The following CHST11 variants were observed in gnomAD, a reference collection of about 807,000 sequenced individuals.
The protein encoded by CHST11 is C4S-1.
In CHST11, 9 loss-of-function variants were observed where a neutral mutation model predicts 30.4. The observed-to-expected ratio is 0.30, with a 90% confidence interval of 0.18 to 0.52. CHST11 has a LOEUF of 0.52. Ranked by LOEUF, CHST11 falls within the 20% of genes least tolerant of loss-of-function variation. CHST11 has a pLI of 0.97. For synonymous variants in CHST11, 152 were observed against 187.8 expected (o/e 0.81, Z 1.56); for missense variants, 348 against 460.6 (o/e 0.76, Z 2.24).
At chr12:104,547,668 A>G (rs1565982748) in intron 1 of CHST11, among the ~76,000 whole-genome samples, 1 of 151,992 alleles carries the variant, frequency 6.6e-6, no homozygotes, top group Non-Finnish European at 1.5e-5. Context: ...ACACCAGCAC[A>G]CTCTGGTGTC....
At chr12:104,693,691 G>A (rs1336609169) in intron 2 of CHST11, among the ~76,000 whole-genome samples, 3 of 152,188 alleles carry the variant, frequency 2.0e-5, no homozygotes, top group Non-Finnish European at 4.4e-5. Flanking sequence ...TGGTCTCTGG[G>A]GGTCAGGGAG....
At chr12:104,720,169 C>A (rs1222765741) in intron 2 of CHST11, among the ~76,000 whole-genome samples, 3 of 152,260 alleles carry the variant, frequency 2.0e-5, no homozygotes, top group African/African-American at 7.2e-5. Context: ...CACTGCCCTG[C>A]AGGCAGGACA....
intron 1 of CHST11, among the ~76,000 whole-genome samples, chr12:104,585,433 A>G (rs2136035393): frequency 6.6e-6 from 1 of 152,342 alleles, no homozygotes; most frequent in South Asian, 2.1e-4. Context: ...ACTCTCAAAT[A>G]ATTAGAAAGA....
chr12:104,740,845 T>C (rs2040340978), intron 2 of CHST11, among the ~76,000 whole-genome samples: 1 of 152,234 alleles, frequency 6.6e-6, no homozygotes, highest in Non-Finnish European at 1.5e-5. Flanking sequence ...GATGTCTGAC[T>C]TCCTCAGTGA....
At chr12:104,567,872 T>C (rs957819408) in intron 1 of CHST11, among the ~76,000 whole-genome samples, 1 of 152,220 alleles carries the variant, frequency 6.6e-6, no homozygotes, top group Admixed American at 6.5e-5. Context: ...TTCACCCCTC[T>C]GCCATGTGAA....
intron 2 of CHST11, among the ~76,000 whole-genome samples, chr12:104,724,187 A>G (rs1566054673): frequency 6.6e-6 from 1 of 152,166 alleles, no homozygotes; most frequent in South Asian, 2.1e-4. Context: ...AAGTGGTGAG[A>G]AGGGCATTAT....
At chr12:104,561,758 A>G (rs2038515339) in intron 1 of CHST11, among the ~76,000 whole-genome samples, 2 of 151,170 alleles carry the variant, frequency 1.3e-5, no homozygotes, top group African/African-American at 4.9e-5. Flanking sequence ...TAATCCTCAC[A>G]ACGGTCTTAC....
intron 2 of CHST11, among the ~76,000 whole-genome samples, chr12:104,610,529 C>T (rs1456513199): frequency 6.6e-6 from 1 of 152,190 alleles, no homozygotes; most frequent in Non-Finnish European, 1.5e-5. Context: ...GCTGTACAAT[C>T]TGCCATTTTC....
chr12:104,628,370 A>C (rs560112406), intron 2 of CHST11, among the ~76,000 whole-genome samples: 1 of 152,210 alleles, frequency 6.6e-6, no homozygotes, highest in South Asian at 2.1e-4. Context: ...CATTTTTTAC[A>C]TTCAAGAGAA....
chr12:104,492,334 G>A (rs1340948693), intron 1 of CHST11, among the ~76,000 whole-genome samples: 1 of 152,124 alleles, frequency 6.6e-6, no homozygotes, highest in Non-Finnish European at 1.5e-5. Context: ...CTGACCTTGT[G>A]ATCTGCCTGC....
At chr12:104,477,759 A>G (rs1346369796) in intron 1 of CHST11, among the ~76,000 whole-genome samples, 1 of 152,182 alleles carries the variant, frequency 6.6e-6, no homozygotes, top group Non-Finnish European at 1.5e-5. Context: ...CAAGCCACCT[A>G]GTGCAGGATA....
intron 2 of CHST11, among the ~76,000 whole-genome samples, chr12:104,732,762 AC>A (rs2040267758): frequency 6.6e-6 from 1 of 152,132 alleles, no homozygotes; most frequent in African/African-American, 2.4e-5. Context: ...ATCTATTGAT[AC>A]CCCCAGTCTC....
intron 1 of CHST11, among the ~76,000 whole-genome samples, chr12:104,572,402 G>A (rs936693230): frequency 4.6e-5 from 7 of 151,952 alleles, no homozygotes; most frequent in Non-Finnish European, 1.0e-4. Context: ...GCCTGTTATT[G>A]GTCTATTCAG....
intron 2 of CHST11, among the ~76,000 whole-genome samples, chr12:104,662,898 T>C (rs535377200): frequency 6.6e-6 from 1 of 152,360 alleles, no homozygotes; most frequent in Non-Finnish European, 1.5e-5. Context: ...CGTGAAGGAA[T>C]TGATAAATGA....
intron 1 of CHST11, chr12:104,514,164 C>G (rs1357851254): frequency 2.0e-6 from 2 of 1,022,916 alleles, no homozygotes; most frequent in Non-Finnish European, 3.1e-6. Context: ...CAGCAGTTCC[C>G]TACTCCAGGT....
At chr12:104,493,174 T>C (rs1226000051) in intron 1 of CHST11, among the ~76,000 whole-genome samples, 2 of 152,186 alleles carry the variant, frequency 1.3e-5, no homozygotes, top group Non-Finnish European at 2.9e-5. Flanking sequence ...ATAAAACTAA[T>C]GGAAATGGTG....
intron 2 of CHST11, among the ~76,000 whole-genome samples, chr12:104,630,914 G>T (rs2039263975): frequency 6.6e-6 from 1 of 152,190 alleles, no homozygotes; most frequent in South Asian, 2.1e-4. Flanking sequence ...GCTTTCTTCT[G>T]AAACAGGATC....
At chr12:104,613,538 T>C (rs573023092) in intron 2 of CHST11, among the ~76,000 whole-genome samples, 7 of 152,238 alleles carry the variant, frequency 4.6e-5, no homozygotes, top group East Asian at 3.9e-4. Context: ...TGAGTTCTCA[T>C]GGGAATTGGT....
intron 2 of CHST11, among the ~76,000 whole-genome samples, chr12:104,651,594 C>T (rs2039489995): frequency 6.6e-6 from 1 of 152,198 alleles, no homozygotes; most frequent in Non-Finnish European, 1.5e-5. Context: ...ATTCTCTGGC[C>T]TTGACCCCTG....
Sources: allele counts gnomAD v4.1 joint callset (sites outside exome capture counted in the v4.1 genomes callset), GRCh38; gene constraint gnomAD v4.1.1; transcripts MANE v1.5; gene names NCBI Gene and HGNC (gene_info 2026-07-23, HGNC 2026-07-21).